Variants in FADS2 observed in about 807,000 individuals in gnomAD.
The protein encoded by FADS2 is fatty acid desaturase 2.
In FADS2, 18 loss-of-function variants were observed where a neutral mutation model predicts 61.2. The ratio of observed to expected loss-of-function variants is 0.29; its 90% confidence interval spans 0.20 to 0.44. FADS2 has a LOEUF of 0.44. FADS2 is among the 20% of genes least tolerant of loss of function. The probability of loss-of-function intolerance (pLI) is 1.00; values close to 1 mark genes in which losing one functional copy is unlikely to be tolerated. For synonymous variants in FADS2, 203 were observed against 223.9 expected, an observed-to-expected ratio of 0.91 and a Z score of 0.83; for missense variants, 322 against 572.7, an observed-to-expected ratio of 0.56 and a Z score of 4.47.
intron 1 of FADS2, among the ~76,000 whole-genome samples, chr11:61,818,042 C>T (rs906101737): frequency 4.6e-5 from 7 of 152,160 alleles, no homozygotes; most frequent in Admixed American, 1.3e-4. Flanking sequence ...CTCTCAGGCT[C>T]TGCCATATTT....
chr11:61,848,114 C>G, intron 4 of FADS2, 45 bp from the exon 5 acceptor site: 1 of 1,613,480 alleles, frequency 6.2e-7, no homozygotes, highest in Non-Finnish European at 8.5e-7. Context: ...GAGCTCGGTT[C>G]CCTGGTGGCT....
At chr11:61,829,155 G>A in intron 1 of FADS2, 1 of 153,548 alleles carries the variant, frequency 6.5e-6, no homozygotes, top group Non-Finnish European at 1.5e-5. Flanking sequence ...GGGAAAAACC[G>A]CCCAGCAGCT....
upstream of FADS2, chr11:61,828,132 G>T: frequency 7.3e-7 from 1 of 1,375,514 alleles, no homozygotes; most frequent in Non-Finnish European, 9.4e-7. This position sits in a 1 kb window ranked among gnomAD's most constrained non-coding sequence, Gnocchi z 6.4. Flanking sequence ...CATAGCGGGA[G>T]GGCTGAGGGA....
chr11:61,830,350 G>A (rs2067118729), intron 1 of FADS2, among the ~76,000 whole-genome samples: 2 of 152,220 alleles, frequency 1.3e-5, no homozygotes, highest in African/African-American at 4.8e-5. Flanking sequence ...TGAACGCTTA[G>A]TCTGGCAATT....
At chr11:61,863,468 C>A in intron 9 of FADS2, 90 bp downstream of exon 9, 2 of 1,052,160 alleles carry the variant, frequency 1.9e-6, no homozygotes, top group Middle Eastern at 2.1e-4. Flanking sequence ...CAGGGCTGTG[C>A]TGGGCCTCCC....
At chr11:61,844,968 G>A (rs865903395) in intron 4 of FADS2, among the ~76,000 whole-genome samples, 1 of 148,894 alleles carries the variant, frequency 6.7e-6, no homozygotes, top group Admixed American at 6.7e-5. Context: ...AATGAAATGA[G>A]GCAAAAAGTA....
At chr11:61,825,041 A>G (rs1399184137), upstream of FADS2, among the ~76,000 whole-genome samples, 1 of 151,856 alleles carries the variant, frequency 6.6e-6, no homozygotes, top group Non-Finnish European at 1.5e-5. Flanking sequence ...AAATACAAAA[A>G]TTATCTGGGC....
chr11:61,851,511 CTGGGTTCCTGGTG>C (rs1390318473), intron 5 of FADS2, among the ~76,000 whole-genome samples: 1 of 152,240 alleles, frequency 6.6e-6, no homozygotes, highest in African/African-American at 2.4e-5. Flanking sequence ...TTGGTGCTTC[CTGGGTTCCTGGTG>C]TTTTGACCTG....
At chr11:61,846,160 CTT>C (rs2067257640) in intron 4 of FADS2, among the ~76,000 whole-genome samples, 1 of 137,078 alleles carries the variant, frequency 7.3e-6, no homozygotes, top group African/African-American at 2.7e-5. Context: ...GAGACAGACT[CTT>C]GCTCTGTTGC....
At position 61,816,841 on chromosome 11, in the gene FADS2, T is replaced by C. The variant is rs569129600; in HGVS notation, c.141+415T>C. 10 of 1,488,590 alleles carry C rather than the reference T, an allele frequency of 6.7e-6. No individual in the cohort carries two copies. The South Asian group carries it at 1.1e-4, about 17-fold the overall frequency. 92.2% of individuals were successfully genotyped at this position (1,488,590 alleles called of 1,614,324 possible). ...GGTCCGCGGGCTCCAGGAGTGGATT[T>C]GCTGGCGCGCGCCCAGAGCCAGCCG... is the stretch of plus-strand genomic sequence containing the variant. On this transcript the variant is annotated intron_variant, in intron 1 of 11. Transcript: ENST00000257261. This position sits in a 1 kb window ranked among gnomAD's most constrained non-coding sequence, Gnocchi z 7.0.
chr11:61,836,440 G>A (rs1279273952), intron 1 of FADS2, among the ~76,000 whole-genome samples: 3 of 152,034 alleles, frequency 2.0e-5, no homozygotes, highest in East Asian at 3.9e-4. Flanking sequence ...TGCCCAGGCT[G>A]GAGTGCAGTG....
At chr11:61,856,970 C>G in intron 5 of FADS2, 41 bp from the exon 6 acceptor site, 1 of 1,546,698 alleles carries the variant, frequency 6.5e-7, no homozygotes, top group Non-Finnish European at 8.9e-7. Flanking sequence ...AGGCTGGGAG[C>G]TGAGGCTACT....
At chr11:61,833,942 A>G (rs2067149887) in intron 1 of FADS2, among the ~76,000 whole-genome samples, 1 of 152,220 alleles carries the variant, frequency 6.6e-6, no homozygotes, top group Non-Finnish European at 1.5e-5. Flanking sequence ...CGAACAAGAC[A>G]GGTGCAGGCC....
chr11:61,824,437 AGGGAG>A (rs1565325183), upstream of FADS2, among the ~76,000 whole-genome samples: 2 of 4,560 alleles, frequency 4.4e-4, 1 homozygote, highest in African/African-American at 8.8e-4. Flanking sequence ...AGAGAGAGGG[AGGGAG>A]GGAGGGAGGG....
chr11:61,818,370 G>A (rs773573115), intron 1 of FADS2, among the ~76,000 whole-genome samples: 1 of 152,158 alleles, frequency 6.6e-6, no homozygotes, highest in African/African-American at 2.4e-5. Flanking sequence ...CTGCACCTCT[G>A]TACAGCCAAT....
chr11:61,853,692 C>G (rs1445037960), intron 5 of FADS2, among the ~76,000 whole-genome samples: 1 of 152,120 alleles, frequency 6.6e-6, no homozygotes, highest in Non-Finnish European at 1.5e-5. Context: ...AGCCACCCAT[C>G]CCGCCTTGGG....
chr11:61,851,862 T>C (rs181486204), intron 5 of FADS2, among the ~76,000 whole-genome samples: 22 of 152,394 alleles, frequency 1.4e-4, no homozygotes. Flanking sequence ...TCCAGGAGGA[T>C]TCTTTTTGTC....
chr11:61,831,068 G>A (rs2067124494), intron 1 of FADS2, among the ~76,000 whole-genome samples: 1 of 152,162 alleles, frequency 6.6e-6, no homozygotes, highest in Admixed American at 6.5e-5. Flanking sequence ...GGTGATGATG[G>A]AGTGAGCAGC....
At position 61,856,539 on chromosome 11, in the gene FADS2, G is replaced by A. The variant is rs567259701; in HGVS notation, c.745-472G>A. The A allele has an allele frequency of 1.2e-3, 183 of 154,106 alleles. 1 individual carries two copies. The highest frequency in any genetic ancestry group is 4.3e-3 in the African/African-American group (181 of 41,626). The allele number at this position is 154,106 out of a possible 1,614,324, so 9.5% of individuals were successfully genotyped here. A position where few individuals can be genotyped will look rare whatever the true frequency, so the allele number is the denominator to read the frequency against. On this transcript the variant is annotated intron_variant, in intron 5 of 11. Coordinates refer to ENST00000278840, the MANE Select transcript of FADS2 (RefSeq NM_004265.4). ...TTACCTAGGTTCTCCCTGCCACTGCGGGCTCCGGGAGCTCTCCATGGTGAC... is the reference window on the plus strand; with the variant it reads ...TTACCTAGGTTCTCCCTGCCACTGCAGGCTCCGGGAGCTCTCCATGGTGAC...
Sources: allele counts gnomAD v4.1 joint callset (sites outside exome capture counted in the v4.1 genomes callset), GRCh38; gene constraint gnomAD v4.1.1; non-coding constraint Gnocchi (gnomAD v3.1); transcripts MANE v1.5; gene names NCBI Gene and HGNC (gene_info 2026-07-23, HGNC 2026-07-21).